The following H4C15 variants were observed in gnomAD, a reference collection of about 807,000 sequenced individuals.
H4C15 encodes the protein H4 clustered histone 15, also known as histone H4.
At chr1:149,848,754 T>C in the H4C15 span, 1 of 152,072 alleles carries the variant, frequency 6.6e-6, no homozygotes, top group Non-Finnish European at 1.5e-5. Context: ...ACAGAAACAA[T>C]TAGAAAAATA....
the H4C15 span, chr1:149,846,165 C>G: frequency 1.3e-5 from 2 of 152,188 alleles, no homozygotes; most frequent in Non-Finnish European, 2.9e-5. Flanking sequence ...TCACTCCCCC[C>G]CGCCAGGACT....
At chr1:149,846,166 C>G in the H4C15 span, 2 of 152,114 alleles carry the variant, frequency 1.3e-5, no homozygotes, top group Admixed American at 6.5e-5. Flanking sequence ...CACTCCCCCC[C>G]GCCAGGACTG....
At chr1:149,848,120 A>T in the H4C15 span, 1 of 152,186 alleles carries the variant, frequency 6.6e-6, no homozygotes, top group Non-Finnish European at 1.5e-5. Flanking sequence ...AAAATTTCAC[A>T]TCTGAAAAAA....
chr1:149,848,787 A>G, the H4C15 span: 1 of 152,238 alleles, frequency 6.6e-6, no homozygotes, highest in Non-Finnish European at 1.5e-5. Flanking sequence ...TCAATAACAT[A>G]CATTATAGGA....
chr1:149,849,498 C>T (rs1415335890), downstream of H4C15, among the ~76,000 whole-genome samples: 1 of 152,160 alleles, frequency 6.6e-6, no homozygotes, highest in Non-Finnish European at 1.5e-5. Flanking sequence ...CTGTGTGATT[C>T]CAAGTCCAGT....
At chr1:149,849,878 G>T (rs1050493502), downstream of H4C15, among the ~76,000 whole-genome samples, 1 of 152,178 alleles carries the variant, frequency 6.6e-6, no homozygotes, top group Admixed American at 6.5e-5. Context: ...TATAAAAGTT[G>T]AGCTATTCCC....
downstream of H4C15, among the ~76,000 whole-genome samples, chr1:149,849,330 T>C (rs999620925): frequency 1.4e-4 from 21 of 152,360 alleles, no homozygotes; most frequent in African/African-American, 4.3e-4. Context: ...CTTCAAGTAA[T>C]GCTGATGCTG....
At chr1:149,848,369 C>G in the H4C15 span, 1 of 152,160 alleles carries the variant, frequency 6.6e-6, no homozygotes, top group Non-Finnish European at 1.5e-5. Context: ...AACTGGAAGT[C>G]CAAAGGTGCA....
downstream of H4C15, chr1:149,850,249 C>G: frequency 8.8e-7 from 1 of 1,135,106 alleles, no homozygotes; most frequent in Non-Finnish European, 1.3e-6. Flanking sequence ...AAGCCAAAAA[C>G]ATCAACTGGG....
chr1:149,848,702 G>C, the H4C15 span: 2 of 152,208 alleles, frequency 1.3e-5, no homozygotes, highest in Non-Finnish European at 2.9e-5. Flanking sequence ...TAAGAACTGT[G>C]GGTAAAATGC....
chr1:149,858,645 AAGGAAGGGAGGG>A (rs1460966106), downstream of H4C15, among the ~76,000 whole-genome samples: 25 of 85,180 alleles, frequency 2.9e-4, 1 homozygote, highest in African/African-American at 1.4e-3. Context: ...GAAAGGAAGG[AAGGAAGGGAGGG>A]AGGGAGGGAG....
chr1:149,850,258 GGACT>G, downstream of H4C15: 1 of 1,186,860 alleles, frequency 8.4e-7, no homozygotes, highest in South Asian at 1.3e-5. Flanking sequence ...ACATCAACTG[GGACT>G]GACAACACAA....
downstream of H4C15, chr1:149,850,589 A>G: frequency 3.3e-6 from 2 of 598,796 alleles, no homozygotes; most frequent in African/African-American, 2.6e-5. Flanking sequence ...GGAGTTCATG[A>G]TGCCCATGGC....
downstream of H4C15, chr1:149,850,303 G>A (rs781856901): frequency 1.1e-5 from 15 of 1,400,668 alleles, no homozygotes; most frequent in Middle Eastern, 1.7e-4. Flanking sequence ...TGGTTAAATG[G>A]CCCTGAAAAG....
At chr1:149,847,796 ACT>A in the H4C15 span, 3 of 152,218 alleles carry the variant, frequency 2.0e-5, no homozygotes, top group African/African-American at 7.2e-5. Flanking sequence ...CAAGAGTGAA[ACT>A]CCATCTCAAG....
chr1:149,848,115 T>A, the H4C15 span: 2 of 152,196 alleles, frequency 1.3e-5, no homozygotes, highest in African/African-American at 4.8e-5. Context: ...TAAATAAAAT[T>A]TCACATCTGA....
chr1:149,844,867 A>T, the H4C15 span: 4 of 152,136 alleles, frequency 2.6e-5, no homozygotes, highest in Non-Finnish European at 4.4e-5. Flanking sequence ...GCTTTTACAC[A>T]TACCTTATAT....
chr1:149,845,382 G>A, the H4C15 span: 11 of 152,292 alleles, frequency 7.2e-5, no homozygotes, highest in South Asian at 2.3e-3. Flanking sequence ...TTATTCAGGG[G>A]GCCATATGTG....
downstream of H4C15, among the ~76,000 whole-genome samples, chr1:149,849,209 T>C (rs75737534): frequency 0.013 from 1,982 of 152,316 alleles, 31 homozygotes; most frequent in African/African-American, 0.045. Flanking sequence ...ATTACCACCA[T>C]TGCACTCCAG....
Sources: gnomAD v4.1 joint callset for allele counts (sites outside exome capture counted in the v4.1 genomes callset) on GRCh38, gnomAD v4.1.1 for gene constraint, MANE v1.5 for transcripts, NCBI Gene and HGNC (gene_info 2026-07-23, HGNC 2026-07-21) for gene names.